The following SAMD12 variants were observed in gnomAD, a reference collection of about 807,000 sequenced individuals.
SAMD12 encodes the protein sterile alpha motif domain containing 12.
SAMD12 carries 9 observed loss-of-function variants against 15.0 expected under a neutral mutation model. The ratio of observed to expected loss-of-function variants is 0.60; its 90% CI spans 0.36 to 1.05. The LOEUF is 1.05. SAMD12 is among the 50% of genes least tolerant of loss of function. The pLI, the probability that SAMD12 is intolerant of heterozygous loss-of-function variation, is 0.01. For missense variants in SAMD12, 230 were observed against 234.2 expected, an observed-to-expected ratio of 0.98 and a Z score of 0.12; for synonymous variants, 86 against 90.1, an observed-to-expected ratio of 0.96 and a Z score of 0.25.
chr8:118,463,825 G>A (rs1401449926), intron 2 of SAMD12, among the ~76,000 whole-genome samples: 1 of 151,984 alleles, frequency 6.6e-6, no homozygotes, highest in African/African-American at 2.4e-5. Context: ...GCACAAGGGG[G>A]CAGGCAGGTC....
intron 4 of SAMD12, among the ~76,000 whole-genome samples, chr8:118,237,938 A>G (rs1165834939): frequency 1.3e-5 from 2 of 152,136 alleles, no homozygotes; most frequent in Non-Finnish European, 2.9e-5. Context: ...TCAGGTCTCC[A>G]TACCACCTTC....
At chr8:118,301,394 G>A (rs1409539713) in intron 4 of SAMD12, among the ~76,000 whole-genome samples, 1 of 152,184 alleles carries the variant, frequency 6.6e-6, no homozygotes, top group Admixed American at 6.5e-5. Flanking sequence ...TTATTAAAAT[G>A]CTCACTGAGG....
chr8:118,554,986 T>A (rs1826481320), intron 2 of SAMD12, among the ~76,000 whole-genome samples: 1 of 152,166 alleles, frequency 6.6e-6, no homozygotes, highest in African/African-American at 2.4e-5. Flanking sequence ...GAACCCTGAG[T>A]AATATGCCAT....
At chr8:118,298,678 C>T (rs1383379617) in intron 4 of SAMD12, among the ~76,000 whole-genome samples, 1 of 152,098 alleles carries the variant, frequency 6.6e-6, no homozygotes. Context: ...AAGATTTAGG[C>T]ATAGAGATGT....
At chr8:118,165,419 C>A in the SAMD12 span, among the ~76,000 whole-genome samples, 3 of 151,756 alleles carry the variant, frequency 2.0e-5, no homozygotes, top group South Asian at 6.2e-4. Flanking sequence ...AAACTGGGAG[C>A]TAATTTTTGT....
intron 4 of SAMD12, among the ~76,000 whole-genome samples, chr8:118,233,574 T>C (rs1812360316): frequency 6.6e-6 from 1 of 152,122 alleles, no homozygotes; most frequent in South Asian, 2.1e-4. Context: ...AGCTCCCAGG[T>C]AGATTATATA....
chr8:118,366,886 A>AAATAAAATAAAAT (rs1563800131), intron 4 of SAMD12, among the ~76,000 whole-genome samples: 33 of 39,604 alleles, frequency 8.3e-4, no homozygotes, highest in South Asian at 6.6e-3. Flanking sequence ...TAAAATAATA[A>AAATAAAATAAAAT]AATAAAATAA....
intron 4 of SAMD12, among the ~76,000 whole-genome samples, chr8:118,326,636 T>C (rs1024735228): frequency 2.2e-4 from 34 of 152,128 alleles, no homozygotes; most frequent in African/African-American, 8.2e-4. Flanking sequence ...AAGGAATTGT[T>C]ACTTTAAGGT....
chr8:118,571,925 C>T (rs1012301534), intron 2 of SAMD12, among the ~76,000 whole-genome samples: 1 of 152,174 alleles, frequency 6.6e-6, no homozygotes, highest in African/African-American at 2.4e-5. Flanking sequence ...AGACGGCCAC[C>T]ATCCTCAAGA....
intron 3 of SAMD12, among the ~76,000 whole-genome samples, chr8:118,396,033 G>A (rs1820549185): frequency 6.6e-6 from 1 of 152,034 alleles, no homozygotes; most frequent in Non-Finnish European, 1.5e-5. Context: ...TTTAGATTTG[G>A]TTATAAAATG....
intron 4 of SAMD12, among the ~76,000 whole-genome samples, chr8:118,252,427 C>G (rs1314949581): frequency 6.6e-6 from 1 of 152,170 alleles, no homozygotes; most frequent in Non-Finnish European, 1.5e-5. Context: ...CGAGGTCCCA[C>G]AGCTTGTCAT....
At chr8:118,382,069 T>G (rs1819703767) in intron 3 of SAMD12, among the ~76,000 whole-genome samples, 1 of 152,218 alleles carries the variant, frequency 6.6e-6, no homozygotes, top group African/African-American at 2.4e-5. Flanking sequence ...AAACAAAGAA[T>G]ACAGCTTAAA....
chr8:118,138,220 C>A, the SAMD12 span, among the ~76,000 whole-genome samples: 1 of 151,982 alleles, frequency 6.6e-6, no homozygotes, highest in African/African-American at 2.4e-5. Context: ...TGACTCGAAG[C>A]GGGCTGAATA....
chr8:118,354,933 A>G (rs1313092535), intron 4 of SAMD12, among the ~76,000 whole-genome samples: 1 of 152,208 alleles, frequency 6.6e-6, no homozygotes, highest in Non-Finnish European at 1.5e-5. Context: ...AACCATAAAT[A>G]TTTCTCAGCA....
At chr8:118,457,020 A>C (rs1823274629) in intron 2 of SAMD12, among the ~76,000 whole-genome samples, 1 of 152,218 alleles carries the variant, frequency 6.6e-6, no homozygotes, top group African/African-American at 2.4e-5. Flanking sequence ...ATCAAGATAA[A>C]GGGGATAAAT....
chr8:118,556,879 A>C (rs1826547137), intron 2 of SAMD12, among the ~76,000 whole-genome samples: 1 of 151,944 alleles, frequency 6.6e-6, no homozygotes, highest in Non-Finnish European at 1.5e-5. Flanking sequence ...CAGGAGAATC[A>C]CTTGAGCCTG....
At chr8:118,269,124 C>T (rs989894391) in intron 4 of SAMD12, among the ~76,000 whole-genome samples, 4 of 151,364 alleles carry the variant, frequency 2.6e-5, no homozygotes, top group Admixed American at 2.0e-4. Context: ...CAAATTTTTG[C>T]ACTGTCCTCT....
At chr8:118,374,105 T>C (rs1819253127), downstream of SAMD12, among the ~76,000 whole-genome samples, 1 of 151,960 alleles carries the variant, frequency 6.6e-6, no homozygotes, top group Non-Finnish European at 1.5e-5. Context: ...CTCTATGAGG[T>C]TTCATCTTGC....
intron 4 of SAMD12, among the ~76,000 whole-genome samples, chr8:118,285,663 T>G (rs953450679): frequency 1.3e-5 from 2 of 152,174 alleles, no homozygotes; most frequent in Non-Finnish European, 2.9e-5. Flanking sequence ...CAATACCAGA[T>G]CTGTCCTTTT....
Sources: gnomAD v4.1 joint callset for allele counts (sites outside exome capture counted in the v4.1 genomes callset) on GRCh38, gnomAD v4.1.1 for gene constraint, MANE v1.5 for transcripts, NCBI Gene and HGNC (gene_info 2026-07-23, HGNC 2026-07-21) for gene names.